Variants in ZNF507 observed in about 807,000 individuals in gnomAD.
ZNF507 encodes zinc finger protein 507.
Under a neutral mutation model 80.0 loss-of-function variants are expected in ZNF507, and 29 were observed. The observed-to-expected ratio is 0.36, with a 90% CI of 0.27 to 0.49. The LOEUF is 0.49. ZNF507 is among the 20% of genes least tolerant of loss of function. The pLI is 0.98. For synonymous variants in ZNF507, 462 were observed against 422.5 expected, an observed-to-expected ratio of 1.09 and a Z score of -1.15; for missense variants, 1,081 against 1,152.2, an observed-to-expected ratio of 0.94 and a Z score of 0.90.
rs1395833891 is a variant in ZNF507, at chr19:32,385,473, GTAA to G, written c.*2395_*2397del. The G allele has an allele frequency of 6.6e-5, 10 of 152,196 alleles. No individual in the cohort carries two copies. The allele number at this position is 152,196 out of a possible 1,614,324, so 9.4% of individuals were successfully genotyped here. On this transcript the variant is annotated 3_prime_UTR_variant, in exon 7 of 7. Coordinates refer to ENST00000355898, the MANE Select transcript of ZNF507 (RefSeq NM_001136156.2). The stretch of plus-strand genomic sequence containing the variant: ...CCAAGAACAATTGAGTTTTCTAAAA[GTAA>G]TAATGAAGATTATGCAATTCTAACT...
intron 4 of ZNF507, chr19:32,358,291 G>A (rs1173149656): frequency 6.6e-6 from 1 of 152,118 alleles, no homozygotes; most frequent in Non-Finnish European, 1.5e-5. Flanking sequence ...CACAAATAAG[G>A]TAATAATAAT....
intron 5 of ZNF507, among the ~76,000 whole-genome samples, chr19:32,367,742 C>CTA (rs1473278663): frequency 2.0e-5 from 3 of 152,174 alleles, no homozygotes; most frequent in East Asian, 1.9e-4. Context: ...CTAAAAAAAT[C>CTA]TAAACAGAAA....
At chr19:32,381,665 G>A (rs117620600) in intron 5 of ZNF507, among the ~76,000 whole-genome samples, 5 of 152,162 alleles carry the variant, frequency 3.3e-5, no homozygotes, top group Non-Finnish European at 7.4e-5. Context: ...AACACAAATA[G>A]TGGACCCTAA....
intron 5 of ZNF507, among the ~76,000 whole-genome samples, chr19:32,364,582 G>A (rs888111865): frequency 1.6e-4 from 25 of 151,682 alleles, no homozygotes; most frequent in African/African-American, 5.6e-4. Flanking sequence ...GAGAACATAC[G>A]ATGTTTGGTT....
rs1015640587 is a variant in ZNF507 at position 32,378,884 on chromosome 19, G to C, written c.2361-3583G>C. ...CGGGACCACATCTGAATGAAAGTGA[G>C]GAGGCGAGTGTCTGAACAGCCAGCA... On this transcript the variant is annotated intron_variant, in intron 5 of 6. Transcript: ENST00000355898. Among the ~76,000 whole-genome samples, 4 of 152,184 alleles carry C rather than the reference G, an allele frequency of 2.6e-5. No homozygotes were observed. The East Asian group carries it at 7.7e-4, about 29-fold the overall frequency.
At chr19:32,347,166 G>C (rs1967107606) in intron 1 of ZNF507, 79 bp from the exon 2 acceptor site, 1 of 151,372 alleles carries the variant, frequency 6.6e-6, no homozygotes, top group African/African-American at 2.4e-5. Context: ...ATTTTTCACT[G>C]CCAAAAAAAA....
chr19:32,355,035 A>T, intron 3 of ZNF507, 78 bp downstream of exon 3: 1 of 1,350,102 alleles, frequency 7.4e-7, no homozygotes, highest in Non-Finnish European at 9.9e-7. Flanking sequence ...ATCTAATCCA[A>T]TCACCTCATT....
intron 5 of ZNF507, among the ~76,000 whole-genome samples, chr19:32,361,644 T>TC (rs1365218414): frequency 1.3e-5 from 2 of 150,042 alleles, no homozygotes; most frequent in Non-Finnish European, 3.0e-5. Context: ...CTTCCTTCCT[T>TC]CTTTCCTTCC....
chr19:32,379,204 A>T (rs925373851), intron 5 of ZNF507, among the ~76,000 whole-genome samples: 1 of 152,156 alleles, frequency 6.6e-6, no homozygotes, highest in African/African-American at 2.4e-5. Context: ...CCAGTTGCCC[A>T]CCCTCTGATA....
intron 4 of ZNF507, chr19:32,359,071 TCA>T (rs1023816896): frequency 2.0e-5 from 3 of 152,234 alleles, no homozygotes; most frequent in African/African-American, 7.2e-5. Context: ...GTAATATTTC[TCA>T]CACAAAACCA....
In ZNF507 at chr19:32,372,625, T is replaced by G. The variant is rs73565329; in HGVS notation, c.2361-9842T>G. Among the ~76,000 whole-genome samples the G allele has an allele frequency of 3.2e-3, 492 of 151,978 alleles. 1 individual carries two copies. The highest frequency in any genetic ancestry group is 0.011 in the African/African-American group (469 of 41,466). On this transcript the variant is annotated intron_variant, in intron 5 of 6. Transcript: ENST00000355898. The stretch of plus-strand genomic sequence containing the variant: ...GGACACATGCGAAGAACGGAAGAAC[T>G]GAGGGGCGTCCTGGCTTCATAACAC...
chr19:32,376,552 G>A (rs1967549665), intron 5 of ZNF507, among the ~76,000 whole-genome samples: 2 of 152,222 alleles, frequency 1.3e-5, no homozygotes, highest in South Asian at 4.1e-4. Context: ...CAGGGGGCAA[G>A]GCTGGAGGAG....
Position 32,360,530 on chromosome 19 carries a change from T to C in ZNF507, c.2272T>C (p.Tyr758His). 1 of 1,594,124 alleles carries C rather than the reference T, an allele frequency of 6.3e-7. No homozygotes were observed. Among genetic ancestry groups the C allele is most frequent in the Non-Finnish European group, 8.5e-7 (1 of 1,171,820 alleles). ...EGNKSSVQKQ[Y>H]RCDVCDYTST... is the part of the protein sequence containing the mutation. ...GAATAAGTCTTCAGTCCAGAAACAA[T>C]ATAGATGTGATGTGTGTGATTATAC... Residue 758 changes from tyrosine to histidine, a missense_variant, in exon 5 of 7, where the codon TAT becomes CAT. By Grantham distance (83) the Tyr-to-His change is moderately conservative. Transcript: ENST00000355898.
At chr19:32,347,160 T>G (rs377242736) in intron 1 of ZNF507, 85 bp from the exon 2 acceptor site, 3 of 152,320 alleles carry the variant, frequency 2.0e-5, no homozygotes, top group Admixed American at 6.5e-5. Context: ...TGAGAAATTT[T>G]TCACTGCCAA....
intron 2 of ZNF507, among the ~76,000 whole-genome samples, chr19:32,351,419 CTGTGTGTGTGTGTGTGTGTGTGTGTGTG>C (rs5823): frequency 7.6e-5 from 4 of 52,824 alleles, no homozygotes; most frequent in Admixed American, 5.0e-4. Flanking sequence ...AGCTGGTCAG[CTGTGTGTGTGTGTGTGTGTGTGTGTGTG>C]TGTGTGTGTG....
chr19:32,373,709 A>G (rs1967505396), intron 5 of ZNF507, among the ~76,000 whole-genome samples: 1 of 152,248 alleles, frequency 6.6e-6, no homozygotes, highest in Non-Finnish European at 1.5e-5. Context: ...AGCAGTGTCA[A>G]CATTCCTGTG....
chr19:32,355,804 A>G (rs1287220031), intron 3 of ZNF507, among the ~76,000 whole-genome samples: 2 of 152,066 alleles, frequency 1.3e-5, no homozygotes, highest in African/African-American at 4.8e-5. Context: ...GATTGAGACC[A>G]TCCTGGCTAA....
rs1967228329 is a variant in ZNF507 at position 32,354,807 on chromosome 19, C to T, written c.1977C>T (p.His659=). ...GCAACAAGGGCTACATCAAGCAGCA[C>T]TTACGAGTCCATCGACAGAGACAGC... ...TSGNKGYIKQ[H]LRVHRQRQPY... The change falls in exon 3 of 7, where the codon CAC becomes CAT. Residue 659 remains histidine (H), a synonymous_variant. Transcript: ENST00000355898. 6.2e-7 allele frequency: 1 copy of T among 1,614,196 alleles called. No individual in the cohort carries two copies. The highest frequency in any genetic ancestry group is 8.5e-7 in the Non-Finnish European group (1 of 1,180,032).
chr19:32,379,705 CAG>C (rs1217570395), intron 5 of ZNF507, among the ~76,000 whole-genome samples: 1 of 152,074 alleles, frequency 6.6e-6, no homozygotes, highest in Non-Finnish European at 1.5e-5. Context: ...AAAAGCTTAA[CAG>C]ATCTGTTTAT....
Sources: gnomAD v4.1 joint callset for allele counts (sites outside exome capture counted in the v4.1 genomes callset) on GRCh38, gnomAD v4.1.1 for gene constraint, MANE v1.5 for transcripts, NCBI Gene and HGNC (gene_info 2026-07-23, HGNC 2026-07-21) for gene names.